Variants in TIMELESS observed in about 807,000 individuals in gnomAD.
TIMELESS encodes the protein protein timeless homolog.
TIMELESS carries 124 observed loss-of-function variants against 164.3 expected under a neutral mutation model. The ratio of observed to expected loss-of-function variants is 0.75; its 90% CI spans 0.65 to 0.88. TIMELESS has a LOEUF of 0.88. TIMELESS is among the 40% of genes least tolerant of loss of function. The pLI, the probability that TIMELESS is intolerant of heterozygous loss-of-function variation, is 0.00. For synonymous variants in TIMELESS, 564 were observed against 563.4 expected (o/e 1.00, Z -0.02); for missense variants, 1,422 against 1,491.4 (o/e 0.95, Z 0.77).
rs200343594 is a variant in TIMELESS at position 56,434,836 on chromosome 12, GC to G, written c.-61-606del. Among the ~76,000 whole-genome samples, 1,262 of 152,054 alleles carry G rather than the reference GC, an allele frequency of 8.3e-3. 19 individuals carry two copies. Among genetic ancestry groups the G allele is most frequent in the African/African-American group, 0.029 (1,195 of 41,488 alleles). ...GGAGGCCAAGACATGATGATCATTT[GC>G]CCCAGTGTTCAAGATTAGCCTGGGC... On this transcript the variant is annotated intron_variant, in intron 1 of 28. Transcript: ENST00000553532.
rs1205767611 is a variant in TIMELESS, at chr12:56,428,876, C to T, written c.1304+7G>A. On this transcript the variant is annotated splice_region_variant and intron_variant, in intron 11 of 28. Transcript: ENST00000553532. ...CTCACTGTATCTCCAGTAACCATCC[C>T]ACTCACCGGCGTGCCCAGGAGGCAG... 1.2e-6 allele frequency: 2 copies of T among 1,612,856 alleles called. No individual in the cohort carries two copies. Among genetic ancestry groups the T allele is most frequent in the Admixed American group, 3.3e-5 (2 of 60,008 alleles).
chr12:56,433,513 C>T (rs1881965468), intron 4 of TIMELESS, 25 bp downstream of exon 4: 12 of 1,613,914 alleles, frequency 7.4e-6, no homozygotes, highest in Admixed American at 1.7e-5. Flanking sequence ...TATTCCACCC[C>T]AGGGACTCCA....
chr12:56,435,508 G>A (rs1414648401), intron 1 of TIMELESS, among the ~76,000 whole-genome samples: 4 of 152,122 alleles, frequency 2.6e-5, no homozygotes, highest in Non-Finnish European at 5.9e-5. Context: ...CTGGGCATGT[G>A]CCATCATGCC....
intron 1 of TIMELESS, among the ~76,000 whole-genome samples, chr12:56,445,635 G>A (rs1162476066): frequency 6.6e-6 from 1 of 150,784 alleles, no homozygotes; most frequent in African/African-American, 2.4e-5. Context: ...CTACTCAGGA[G>A]GCTGAGGCAG....
intron 26 of TIMELESS, among the ~76,000 whole-genome samples, chr12:56,420,054 G>A (rs1387299131): frequency 3.5e-5 from 3 of 85,154 alleles, no homozygotes; most frequent in Admixed American, 1.4e-4. Context: ...ATATATGTGT[G>A]TGTGTGTGTG....
At chr12:56,440,748 C>T (rs1261425401) in intron 1 of TIMELESS, among the ~76,000 whole-genome samples, 1 of 152,230 alleles carries the variant, frequency 6.6e-6, no homozygotes, top group Non-Finnish European at 1.5e-5. Flanking sequence ...AAACTATTAG[C>T]AGTCTGCATC....
chr12:56,431,441 G>C, intron 8 of TIMELESS, 30 bp downstream of exon 8: 1 of 1,590,848 alleles, frequency 6.3e-7, no homozygotes, highest in Non-Finnish European at 8.5e-7. Context: ...CCATGATGTA[G>C]GAAAAAGAAC....
At chr12:56,422,349 A>G in intron 19 of TIMELESS, 158 bp from the exon 20 acceptor site, 1 of 614,104 alleles carries the variant, frequency 1.6e-6, no homozygotes, top group Non-Finnish European at 2.8e-6. Flanking sequence ...CCTTCCCCTC[A>G]CTTTCCTTCC....
chr12:56,421,392 G>A lies in TIMELESS; in HGVS notation c.2827C>T (p.Leu943=). 1 of 1,614,050 alleles carries A rather than the reference G, an allele frequency of 6.2e-7. No homozygotes were observed. The highest frequency in any genetic ancestry group is 8.5e-7 in the Non-Finnish European group (1 of 1,180,006). ...ALGLVAERRE[L]YKKRQKKLAS... ...AACTTTTTCTGCCGTTTCTTGTACAGCTCCCGCCGCTCAGCCACCAGCCCC... is the reference window on the plus strand; with the variant it reads ...AACTTTTTCTGCCGTTTCTTGTACAACTCCCGCCGCTCAGCCACCAGCCCC... Residue 943 remains leucine (L), a synonymous_variant, in exon 23 of 29, where the codon CTG becomes TTG. Coordinates refer to ENST00000553532, the MANE Select transcript of TIMELESS (RefSeq NM_003920.5).
At position 56,418,004 on chromosome 12, in the gene TIMELESS, T is replaced by G. The variant is rs1284269556; in HGVS notation, c.3459A>C (p.Glu1153Asp). 6.2e-7 allele frequency: 1 copy of G among 1,614,224 alleles called. No individual in the cohort carries two copies. The highest frequency in any genetic ancestry group is 8.5e-7 in the Non-Finnish European group (1 of 1,180,032). ...KKAGLASPEE[E>D]DAVGKEPLKA... is the part of the protein sequence containing the mutation. ...TCAGCGGCTCTTTACCAACAGCGTC[T>G]TCCTCTGCAATGACCATAAATGACA... The change falls in exon 28 of 29, where the codon GAA becomes GAC. Residue 1153 changes from glutamate (E) to aspartate (D), a missense_variant. By Grantham distance (45) the Glu-to-Asp change is conservative. Transcript: ENST00000553532.
At chr12:56,429,998 CA>C (rs2136141663) in intron 10 of TIMELESS, 106 bp downstream of exon 10, 1 of 1,129,222 alleles carries the variant, frequency 8.9e-7, no homozygotes, top group East Asian at 2.6e-5. Flanking sequence ...GTCCACATTC[CA>C]GGGGCAGCCT....
intron 7 of TIMELESS, 27 bp from the exon 8 acceptor site, chr12:56,431,631 CAGG>C (rs755230177): frequency 1.2e-6 from 2 of 1,602,816 alleles, no homozygotes; most frequent in East Asian, 4.5e-5. Flanking sequence ...AGGGAAGAAT[CAGG>C]AGGACAGTCA....
chr12:56,437,840 A>G (rs1309529214), intron 1 of TIMELESS, among the ~76,000 whole-genome samples: 1 of 152,174 alleles, frequency 6.6e-6, no homozygotes, highest in Non-Finnish European at 1.5e-5. Context: ...CATATCATGC[A>G]TGTACTTAAA....
At chr12:56,427,424 G>A (rs1314007573) in intron 13 of TIMELESS, among the ~76,000 whole-genome samples, 1 of 152,168 alleles carries the variant, frequency 6.6e-6, no homozygotes, top group African/African-American at 2.4e-5. Context: ...TGCCCAGCCT[G>A]TCCTAGGCTT....
chr12:56,447,182 GTTTTTTTTT>G lies in TIMELESS; in HGVS notation c.-62+2119_-62+2127del, dbSNP rs144004569. On this transcript the variant is annotated intron_variant, in intron 1 of 28. Transcript: ENST00000553532. ...ATGCCACCATACCCAGCTAATTTTT[GTTTTTTTTT>G]TTTTTTTTTTTTTTTTTTAGTAGAG... Among the ~76,000 whole-genome samples, 199 of 89,272 alleles carry G rather than the reference GTTTTTTTTT, an allele frequency of 2.2e-3. 2 individuals carry two copies. The highest frequency in any genetic ancestry group is 5.8e-3 in the African/African-American group (160 of 27,376). The allele number at this position is 89,272 out of a possible 152,430, so 58.6% of individuals were successfully genotyped here.
At chr12:56,445,600 T>C (rs2136156959) in intron 1 of TIMELESS, among the ~76,000 whole-genome samples, 1 of 151,390 alleles carries the variant, frequency 6.6e-6, no homozygotes, top group Non-Finnish European at 1.5e-5. Context: ...TAGCTGGGTG[T>C]AGTGGTGCAT....
intron 1 of TIMELESS, among the ~76,000 whole-genome samples, chr12:56,443,451 C>G (rs1480314022): frequency 3.3e-5 from 5 of 152,136 alleles, no homozygotes; most frequent in Non-Finnish European, 2.9e-5. Flanking sequence ...TGCTCTCAAA[C>G]CCTGTTTCCT....
chr12:56,417,212 G>A lies in TIMELESS; in HGVS notation c.*504C>T, dbSNP rs17118576. Reference sequence around the variant, plus strand: ...ACTATATTCCAACCCTATCTCAAATGCAGGAATGGGCCTCTATCTGGTATC... The same window carrying A: ...ACTATATTCCAACCCTATCTCAAATACAGGAATGGGCCTCTATCTGGTATC... On this transcript the variant is annotated 3_prime_UTR_variant, in exon 29 of 29. Coordinates refer to ENST00000553532, the MANE Select transcript of TIMELESS (RefSeq NM_003920.5). 0.033 allele frequency: 5,374 copies of A among 162,342 alleles called. 330 individuals are homozygous for A. The highest frequency in any genetic ancestry group is 0.12 in the African/African-American group (5,035 of 41,498). The allele number at this position is 162,342 out of a possible 1,614,324, so 10.1% of individuals were successfully genotyped here.
At chr12:56,424,487 T>A (rs1479170413) in intron 15 of TIMELESS, among the ~76,000 whole-genome samples, 1 of 152,172 alleles carries the variant, frequency 6.6e-6, no homozygotes, top group Non-Finnish European at 1.5e-5. Flanking sequence ...ATGCCGTAGG[T>A]CATTTTACTC....
Sources: gnomAD v4.1 joint callset for allele counts (sites outside exome capture counted in the v4.1 genomes callset) on GRCh38, gnomAD v4.1.1 for gene constraint, MANE v1.5 for transcripts, NCBI Gene and HGNC (gene_info 2026-07-23, HGNC 2026-07-21) for gene names.